Variants in ZNF721 observed in about 807,000 individuals in gnomAD.
The protein encoded by ZNF721 is zinc finger protein 721.
Under a neutral mutation model 2.4 loss-of-function variants are expected in ZNF721, and 2 were observed. The observed-to-expected ratio is 0.82, with a 90% CI of 0.34 to 2.58. The LOEUF (loss-of-function observed/expected upper bound fraction) is 2.58. ZNF721 is among the 30% of genes most tolerant of loss of function. The probability of loss-of-function intolerance (pLI) is 0.11; values close to 1 mark genes in which losing one functional copy is unlikely to be tolerated. For synonymous variants in ZNF721, 398 were observed against 381.8 expected, an observed-to-expected ratio of 1.04 and a Z score of -0.50; for missense variants, 1,187 against 1,085.5, an observed-to-expected ratio of 1.09 and a Z score of -1.31.
chr4:469,984 G>A (rs1257454853), intron 2 of ZNF721, among the ~76,000 whole-genome samples: 5 of 152,260 alleles, frequency 3.3e-5, no homozygotes, highest in South Asian at 4.1e-4. Flanking sequence ...CCGGGTTCAC[G>A]CCATTCTCCT....
intron 2 of ZNF721, among the ~76,000 whole-genome samples, chr4:471,760 T>C (rs1715442894): frequency 6.6e-6 from 1 of 152,146 alleles, no homozygotes; most frequent in South Asian, 2.1e-4. Flanking sequence ...ACCAAAAAAA[T>C]CATGATCTAT....
At chr4:454,713 A>T (rs1485034790) in intron 2 of ZNF721, among the ~76,000 whole-genome samples, 1 of 152,198 alleles carries the variant, frequency 6.6e-6, no homozygotes, top group Non-Finnish European at 1.5e-5. Context: ...GGAAAAGTTA[A>T]ATATTAAATT....
chr4:495,331 C>CA (rs548290022), intron 1 of ZNF721, among the ~76,000 whole-genome samples: 28,815 of 90,320 alleles, frequency 0.32, 3,961 homozygotes, highest in Middle Eastern at 0.5. Flanking sequence ...AACTTTTGCT[C>CA]AAAAAAAAAA....
intron 1 of ZNF721, among the ~76,000 whole-genome samples, chr4:476,513 T>C (rs1553868697): frequency 6.6e-6 from 1 of 152,228 alleles, no homozygotes; most frequent in African/African-American, 2.4e-5. Flanking sequence ...GTTTCCATTG[T>C]CCCAGGTGAT....
At chr4:451,785 C>A (rs1553864890) in intron 2 of ZNF721, among the ~76,000 whole-genome samples, 1 of 152,196 alleles carries the variant, frequency 6.6e-6, no homozygotes, top group Non-Finnish European at 1.5e-5. Flanking sequence ...CGAAAACGTG[C>A]CATTTTTCAG....
chr4:493,017 T>A (rs1553871719), intron 1 of ZNF721, among the ~76,000 whole-genome samples: 1 of 152,006 alleles, frequency 6.6e-6, no homozygotes, highest in East Asian at 1.9e-4. Context: ...TTATTTAATA[T>A]AGCTTTATAT....
chr4:499,147 G>T lies in ZNF721; in HGVS notation c.-185C>A. ...CCGCTGTTCGTATGTCCGAGGTGAC[G>T]CCCCGCTGTGGCGGGCTGGCGGAAG... On this transcript the variant is annotated 5_prime_UTR_variant, in exon 1 of 3. Transcript: ENST00000511833. The T allele has an allele frequency of 1.6e-6, 1 of 610,336 alleles. No individual in the cohort carries two copies. The allele number at this position is 610,336 out of a possible 1,614,324, so 37.8% of individuals were successfully genotyped here.
At chr4:453,292 G>C (rs1390015426) in intron 2 of ZNF721, among the ~76,000 whole-genome samples, 1 of 152,196 alleles carries the variant, frequency 6.6e-6, no homozygotes, top group Admixed American at 6.5e-5. Context: ...AGTAGCAGAT[G>C]GTCTTACTAC....
chr4:493,777 T>G (rs981622087), intron 1 of ZNF721, among the ~76,000 whole-genome samples: 5 of 152,128 alleles, frequency 3.3e-5, no homozygotes, highest in Admixed American at 6.5e-5. Flanking sequence ...TTATTAAAAC[T>G]TACACAGGCA....
At chr4:469,036 T>G (rs1205605843) in intron 2 of ZNF721, among the ~76,000 whole-genome samples, 1 of 152,188 alleles carries the variant, frequency 6.6e-6, no homozygotes, top group African/African-American at 2.4e-5. Flanking sequence ...TAACAAAAAC[T>G]GAACTAATAA....
In ZNF721 at chr4:472,689, A is replaced by C; in HGVS notation, c.-81T>G. ...GAGAATTCTATGGCCACATCCCTGA[A>C]TGTTAAGGGTTCCTGAAAATACATA... On this transcript the variant is annotated 5_prime_UTR_variant, in exon 2 of 3. Coordinates refer to ENST00000511833, the MANE Select transcript of ZNF721 (RefSeq NM_133474.4). 1 of 1,612,300 alleles carries C rather than the reference A, an allele frequency of 6.2e-7. No homozygotes were observed.
chr4:445,882 T>A (rs1553864092), intron 2 of ZNF721, among the ~76,000 whole-genome samples: 2 of 152,202 alleles, frequency 1.3e-5, no homozygotes, highest in African/African-American at 2.4e-5. Flanking sequence ...GTGTCATTTA[T>A]AAGTGTGGTC....
At position 470,573 on chromosome 4, in the gene ZNF721, T is replaced by C. The variant is rs1413560696; in HGVS notation, c.34+2002A>G. Among the ~76,000 whole-genome samples the C allele has an allele frequency of 2.6e-5, 4 of 151,828 alleles. No individual in the cohort carries two copies. In the East Asian group the frequency reaches 7.7e-4, roughly 29 times the overall value. On this transcript the variant is annotated intron_variant, in intron 2 of 2. Coordinates refer to ENST00000511833, the MANE Select transcript of ZNF721 (RefSeq NM_133474.4). ...TACTAAAAATACAAAATTAGCCAAG[T>C]CTAGTGGTGCATGCCTGTAATTCCC...
At chr4:446,319 C>G (rs1714471285) in intron 2 of ZNF721, among the ~76,000 whole-genome samples, 1 of 151,308 alleles carries the variant, frequency 6.6e-6, no homozygotes, top group Middle Eastern at 3.5e-3. Flanking sequence ...AATAATATAC[C>G]ACATAAAAAT....
Position 443,462 on chromosome 4 carries a change from A to G in ZNF721, c.1005T>C (p.Cys335=). The G allele has an allele frequency of 6.2e-7, 1 of 1,611,982 alleles. No individual in the cohort carries two copies. Among genetic ancestry groups the G allele is most frequent in the Non-Finnish European group, 8.5e-7 (1 of 1,178,372 alleles). Residue 335 remains cysteine (C), a synonymous_variant, in exon 3 of 3, where the codon TGT becomes TGC. Coordinates refer to ENST00000511833, the MANE Select transcript of ZNF721 (RefSeq NM_133474.4). Reference sequence around the variant, plus strand: ...GTCTAAAGGTTTTGCCACATTCTCCACATGTGTAGGGTTTCTCTCCAGTAT... The same window carrying G: ...GTCTAAAGGTTTTGCCACATTCTCCGCATGTGTAGGGTTTCTCTCCAGTAT... ...RIHTGEKPYT[C]GECGKTFRQS...
chr4:442,332 A>C lies in ZNF721; in HGVS notation c.2135T>G (p.Leu712Arg). ...CGKAFSRSRN[L>R]TTHRRVHTRE... Reference sequence around the variant, plus strand: ...AGTGTGAACTCTCCTATGTGTAGTAAGGTTTCTTGACCTACTAAAGGCTTT... The same window carrying C: ...AGTGTGAACTCTCCTATGTGTAGTACGGTTTCTTGACCTACTAAAGGCTTT... The change falls in exon 3 of 3, where the codon CTT becomes CGT. Residue 712 changes from leucine to arginine, a missense_variant. Coordinates refer to ENST00000511833, the MANE Select transcript of ZNF721 (RefSeq NM_133474.4). The C allele has an allele frequency of 6.2e-7, 1 of 1,613,930 alleles. No homozygotes were observed. Among genetic ancestry groups the C allele is most frequent in the Non-Finnish European group, 8.5e-7 (1 of 1,179,870 alleles).
At chr4:490,998 C>T (rs1716005949) in intron 1 of ZNF721, among the ~76,000 whole-genome samples, 1 of 152,076 alleles carries the variant, frequency 6.6e-6, no homozygotes, top group Non-Finnish European at 1.5e-5. Flanking sequence ...TACATCCACC[C>T]ACCACAGCTC....
intron 1 of ZNF721, among the ~76,000 whole-genome samples, chr4:498,724 TTC>T (rs1409290663): frequency 2.1e-5 from 3 of 144,598 alleles, no homozygotes; most frequent in African/African-American, 7.7e-5. Flanking sequence ...GGGTTGAATT[TTC>T]TTTTTTTTTT....
At chr4:460,562 C>A (rs908983031) in intron 2 of ZNF721, among the ~76,000 whole-genome samples, 6 of 144,162 alleles carry the variant, frequency 4.2e-5, no homozygotes, top group Non-Finnish European at 7.5e-5. Flanking sequence ...CAAAAGCTAG[C>A]AGAAGACAAG....
Sources: allele counts gnomAD v4.1 joint callset (sites outside exome capture counted in the v4.1 genomes callset), GRCh38; gene constraint gnomAD v4.1.1; transcripts MANE v1.5; gene names NCBI Gene and HGNC (gene_info 2026-07-23, HGNC 2026-07-21).